Variants in AGO2 observed in about 807,000 individuals in gnomAD.
AGO2 encodes protein argonaute-2.
In AGO2, 5 loss-of-function variants were observed where a neutral mutation model predicts 102.3. The observed-to-expected ratio is 0.05, with a 90% CI of 0.03 to 0.10. The LOEUF is 0.10. Among genes scored for constraint, AGO2 ranks in the 10% least tolerant of loss-of-function variants. AGO2 has a pLI of 1.00. For synonymous variants in AGO2, 449 were observed against 473.1 expected (o/e 0.95, Z 0.66); for missense variants, 541 against 1,183.7 (o/e 0.46, Z 7.97).
chr8:140,589,203 G>A lies in AGO2; in HGVS notation c.23-3892C>T, dbSNP rs1417084460. ...CCATCTAAGTAAGGGACAGGGATGG[G>A]GGAAAGTTGGTGCATGAAGAATAAA... On this transcript the variant is annotated intron_variant, in intron 1 of 18. Transcript: ENST00000220592. The surrounding 1 kb of genome is among the most constrained non-coding windows in gnomAD (Gnocchi z 4.2). Among the ~76,000 whole-genome samples, 1 of 152,234 alleles carries A rather than the reference G, an allele frequency of 6.6e-6. No homozygotes were observed. The highest frequency in any genetic ancestry group is 2.1e-4 in the South Asian group (1 of 4,838).
chr8:140,625,615 G>C (rs181783896), intron 1 of AGO2, among the ~76,000 whole-genome samples: 1 of 152,252 alleles, frequency 6.6e-6, no homozygotes, highest in African/African-American at 2.4e-5. Flanking sequence ...CCCCGGCCTG[G>C]CTCCTTCCAA....
At chr8:140,597,703 A>T (rs1196210263) in intron 1 of AGO2, among the ~76,000 whole-genome samples, 1 of 152,178 alleles carries the variant, frequency 6.6e-6, no homozygotes, top group African/African-American at 2.4e-5. Flanking sequence ...CAAGAAAAAA[A>T]AAAAAGACAT....
intron 1 of AGO2, among the ~76,000 whole-genome samples, chr8:140,609,371 G>C (rs916048194): frequency 1.3e-5 from 2 of 152,224 alleles, no homozygotes; most frequent in Non-Finnish European, 2.9e-5. Context: ...GAGATCACAG[G>C]GGCTCCAGCC....
intron 1 of AGO2, among the ~76,000 whole-genome samples, chr8:140,602,107 C>T (rs970520196): frequency 2.0e-5 from 3 of 152,190 alleles, no homozygotes; most frequent in African/African-American, 2.4e-5. Context: ...CTTCATCCAT[C>T]GCAATGAGCA....
chr8:140,581,799 T>A (rs1299879025), intron 2 of AGO2, among the ~76,000 whole-genome samples: 1 of 152,238 alleles, frequency 6.6e-6, no homozygotes, highest in Admixed American at 6.5e-5. Flanking sequence ...ACTCTCAACA[T>A]ACTCTGGACA....
chr8:140,632,219 CACTT>C (rs1225702226), intron 1 of AGO2, among the ~76,000 whole-genome samples: 1 of 152,210 alleles, frequency 6.6e-6, no homozygotes. Context: ...TTTTCCTATG[CACTT>C]ACTTAAATTA....
intron 14 of AGO2, among the ~76,000 whole-genome samples, chr8:140,543,152 A>G (rs1038071560): frequency 4.0e-5 from 6 of 149,018 alleles, no homozygotes; most frequent in Non-Finnish European, 8.9e-5. Context: ...AACAAAACAA[A>G]ACAAAAAACA....
chr8:140,553,994 AC>A (rs1404852653), intron 10 of AGO2, among the ~76,000 whole-genome samples: 1 of 152,162 alleles, frequency 6.6e-6, no homozygotes, highest in Non-Finnish European at 1.5e-5. Flanking sequence ...GAGCCGCAGC[AC>A]CCAGCCTACA....
intron 10 of AGO2, among the ~76,000 whole-genome samples, chr8:140,551,680 G>GGGTGGATGGTTGATGGGTT (rs2072999692): frequency 6.6e-6 from 1 of 151,452 alleles, no homozygotes; most frequent in Admixed American, 6.6e-5. Flanking sequence ...GTTGATGGGT[G>GGGTGGATGGTTGATGGGTT]GGTGGATGGT....
Position 140,560,503 on chromosome 8 carries a change from G to A in AGO2, c.526C>T (p.Pro176Ser), listed in dbSNP as rs1189887004. The change falls in exon 5 of 19, where the codon CCC becomes TCC. Residue 176 changes from proline (P) to serine (S), a missense_variant. Around this residue, in one of 6 missense-constraint regions of AGO2, gnomAD observed 26 missense variants for 52.0 expected, o/e 0.50. Coordinates refer to ENST00000220592, the MANE Select transcript of AGO2 (RefSeq NM_012154.5). ...GCGGTGAAGAAGGAGCGGCCCACGGGGGTGTACCTGGAACCAAGAGACCCC... is the reference window on the plus strand; with the variant it reads ...GCGGTGAAGAAGGAGCGGCCCACGGAGGTGTACCTGGAACCAAGAGACCCC... ...MRHLPSMRYT[P>S]VGRSFFTASE... is the part of the protein sequence containing the mutation. The A allele has an allele frequency of 6.2e-7, 1 of 1,613,084 alleles. No homozygotes were observed. Among genetic ancestry groups the A allele is most frequent in the Non-Finnish European group, 8.5e-7 (1 of 1,179,226 alleles).
At chr8:140,568,299 A>AAAAAAAAAG (rs1368365026) in intron 3 of AGO2, among the ~76,000 whole-genome samples, 1 of 150,316 alleles carries the variant, frequency 6.7e-6, no homozygotes, top group African/African-American at 2.4e-5. Context: ...AAAAAAAAAA[A>AAAAAAAAAG]AGAGAGAGCA....
chr8:140,592,368 T>C (rs962890216), intron 1 of AGO2: 2 of 152,244 alleles, frequency 1.3e-5, no homozygotes, highest in Non-Finnish European at 2.9e-5. Context: ...CAGCCTTTTC[T>C]GGTTTCAACT....
chr8:140,564,232 C>T (rs1363604999), intron 3 of AGO2, among the ~76,000 whole-genome samples: 1 of 151,734 alleles, frequency 6.6e-6, no homozygotes, highest in Non-Finnish European at 1.5e-5. Flanking sequence ...TGCAGCACAG[C>T]TGAGGAAACC....
At chr8:140,593,829 A>G (rs2133035245) in intron 1 of AGO2, among the ~76,000 whole-genome samples, 1 of 152,228 alleles carries the variant, frequency 6.6e-6, no homozygotes, top group East Asian at 1.9e-4. Flanking sequence ...GGATTCACAC[A>G]CAGCACTCAC....
chr8:140,615,753 C>T (rs949513717), intron 1 of AGO2, among the ~76,000 whole-genome samples: 3 of 152,250 alleles, frequency 2.0e-5, no homozygotes, highest in Admixed American at 6.5e-5. Context: ...CAGCTCTCCA[C>T]GCGGCTTCGC....
At chr8:140,618,872 T>A (rs1160634099) in intron 1 of AGO2, among the ~76,000 whole-genome samples, 2 of 151,294 alleles carry the variant, frequency 1.3e-5, no homozygotes, top group Admixed American at 6.6e-5. Context: ...TACAGGTGGT[T>A]TTTTTTTTCT....
In AGO2 at chr8:140,526,087, C is replaced by T. The variant is rs1274488782; in HGVS notation, c.*5957G>A. ...TGAGAGTAACCCGAGGTCCCAAAGTCAAAGGCCAATTACGTCTGCATTGTC... is the reference window on the plus strand; with the variant it reads ...TGAGAGTAACCCGAGGTCCCAAAGTTAAAGGCCAATTACGTCTGCATTGTC... On this transcript the variant is annotated 3_prime_UTR_variant, in exon 19 of 19. Transcript: ENST00000220592. The surrounding 1 kb of genome is among the most constrained non-coding windows in gnomAD (Gnocchi z 5.2). 1 of 152,192 alleles carries T rather than the reference C, an allele frequency of 6.6e-6. No individual in the cohort carries two copies. The highest frequency in any genetic ancestry group is 1.5e-5 in the Non-Finnish European group (1 of 68,044). The allele number at this position is 152,192 out of a possible 1,614,324, so 9.4% of individuals were successfully genotyped here.
At chr8:140,633,303 AT>A (rs1397470655) in intron 1 of AGO2, among the ~76,000 whole-genome samples, 1 of 152,246 alleles carries the variant, frequency 6.6e-6, no homozygotes, top group African/African-American at 2.4e-5. Context: ...AATGTGTAGC[AT>A]AAAATGGAAC....
At chr8:140,627,237 C>G (rs973656670) in intron 1 of AGO2, among the ~76,000 whole-genome samples, 5 of 152,240 alleles carry the variant, frequency 3.3e-5, no homozygotes, top group Admixed American at 2.0e-4. Context: ...AAAGCACCCT[C>G]GAGTCCTCCA....
Sources: allele counts gnomAD v4.1 joint callset (sites outside exome capture counted in the v4.1 genomes callset), GRCh38; gene constraint gnomAD v4.1.1; regional missense constraint gnomAD v4.1.1; non-coding constraint Gnocchi (gnomAD v3.1); transcripts MANE v1.5; gene names NCBI Gene and HGNC (gene_info 2026-07-23, HGNC 2026-07-21).